DCAF4: variants seen among roughly 807,000 people sequenced by gnomAD.
DCAF4 encodes the protein DDB1- and CUL4-associated factor 4.
In DCAF4, 37 loss-of-function variants were observed where a neutral mutation model predicts 60.9. The observed-to-expected ratio is 0.61, with a 90% CI of 0.47 to 0.80. The LOEUF (loss-of-function observed/expected upper bound fraction) is 0.80, where lower values mean the gene tolerates loss of function less well. DCAF4 is among the 30% of genes least tolerant of loss of function. The probability of loss-of-function intolerance (pLI) is 0.00; values close to 1 mark genes in which losing one functional copy is unlikely to be tolerated. For missense variants in DCAF4, 577 were observed against 650.0 expected, an observed-to-expected ratio of 0.89 and a Z score of 1.22; for synonymous variants, 243 against 254.8, an observed-to-expected ratio of 0.95 and a Z score of 0.44.
In DCAF4 at chr14:72,959,346, C is replaced by G; in HGVS notation, c.*541C>G. ...AATCCTTAAACTTGGCCTTCTCAAA[C>G]TCAGCAGCAGATCTCCGGGATTCTG... is the stretch of plus-strand genomic sequence containing the variant. On this transcript the variant is annotated 3_prime_UTR_variant, in exon 14 of 14. Coordinates refer to ENST00000358377, the MANE Select transcript of DCAF4 (RefSeq NM_015604.4). The G allele has an allele frequency of 1.0e-6, 1 of 985,586 alleles. No individual in the cohort carries two copies. The highest frequency in any genetic ancestry group is 1.2e-6 in the Non-Finnish European group (1 of 830,046). The allele number at this position is 985,586 out of a possible 1,614,324, so 61.1% of individuals were successfully genotyped here.
rs1292175625 is a variant in DCAF4 at position 72,957,669 on chromosome 14, G to T, written c.1295-943G>T. The T allele has an allele frequency of 3.9e-5, 6 of 152,204 alleles. No homozygotes were observed. In the East Asian group the frequency reaches 1.2e-3, roughly 29 times the overall value. 9.4% of individuals were successfully genotyped at this position (152,204 alleles called of 1,614,324 possible). A position where few individuals can be genotyped will look rare whatever the true frequency, so the allele number is the denominator to read the frequency against. On this transcript the variant is annotated intron_variant, in intron 13 of 13. Transcript: ENST00000358377. ...CAGCCTTGCTGAGAGGCAGATGCAGGTAGTTACCAGCTGCAGTAATAAACT... is the reference window on the plus strand; with the variant it reads ...CAGCCTTGCTGAGAGGCAGATGCAGTTAGTTACCAGCTGCAGTAATAAACT...
chr14:72,948,702 TGGCC>T (rs1285047985), intron 8 of DCAF4, among the ~76,000 whole-genome samples: 1 of 152,196 alleles, frequency 6.6e-6, no homozygotes, highest in Non-Finnish European at 1.5e-5. Context: ...CGCCCTCTGG[TGGCC>T]ATTTCTGGTA....
chr14:72,959,213 G>A lies in DCAF4; in HGVS notation c.*408G>A, dbSNP rs957692494. ...GGTTTGAGTCCTCGGTGCCTGGGTA[G>A]CAGGAAGAAAGACCTGCATCCTGCA... On this transcript the variant is annotated 3_prime_UTR_variant, in exon 14 of 14. Transcript: ENST00000358377. 3.9e-5 allele frequency: 39 copies of A among 991,080 alleles called. No homozygotes were observed. The highest frequency in any genetic ancestry group is 3.2e-4 in the South Asian group (7 of 21,566). 61.4% of individuals were successfully genotyped at this position (991,080 alleles called of 1,614,324 possible).
At chr14:72,945,395 TAAA>T (rs374834364) in intron 6 of DCAF4, among the ~76,000 whole-genome samples, 2 of 150,170 alleles carry the variant, frequency 1.3e-5, no homozygotes, top group African/African-American at 4.9e-5. Flanking sequence ...CCCCACCTCT[TAAA>T]AAAAAATAGC....
At chr14:72,934,257 G>T (rs576124516) in intron 1 of DCAF4, among the ~76,000 whole-genome samples, 1 of 151,724 alleles carries the variant, frequency 6.6e-6, no homozygotes, top group Non-Finnish European at 1.5e-5. Context: ...GGGTTCAAGC[G>T]ATTCTCCTGC....
intron 13 of DCAF4, 53 bp downstream of exon 13, chr14:72,956,553 G>T: frequency 6.5e-7 from 1 of 1,529,680 alleles, no homozygotes; most frequent in Non-Finnish European, 8.9e-7. Flanking sequence ...GTCTCTCAGG[G>T]GCGATCCCAG....
rs774272480 is a variant in DCAF4, at chr14:72,938,082, G to A, written c.92+12G>A. Reference sequence around the variant, plus strand: ...GATTCTGAAGACAGGCAAGTGTGCCGCTCTGGGGAGCCACTTTTGCCCAGT... The same window carrying A: ...GATTCTGAAGACAGGCAAGTGTGCCACTCTGGGGAGCCACTTTTGCCCAGT... On this transcript the variant is annotated intron_variant, in intron 2 of 13. Coordinates refer to ENST00000358377, the MANE Select transcript of DCAF4 (RefSeq NM_015604.4). The A allele has an allele frequency of 1.3e-5, 20 of 1,588,370 alleles. No individual in the cohort carries two copies. The highest frequency in any genetic ancestry group is 1.2e-4 in the South Asian group (10 of 86,624).
downstream of DCAF4, chr14:72,962,019 G>C (rs1032624036): frequency 1.8e-6 from 2 of 1,086,330 alleles, no homozygotes; most frequent in Non-Finnish European, 2.3e-6. Flanking sequence ...TCCCTTCATA[G>C]CCCTCAACCT....
intron 2 of DCAF4, among the ~76,000 whole-genome samples, 177 bp from the exon 3 acceptor site, chr14:72,939,624 CA>C (rs1435016749): frequency 2.6e-5 from 4 of 152,118 alleles, no homozygotes; most frequent in African/African-American, 4.8e-5. Flanking sequence ...AATGAAAAAC[CA>C]AAACCTTGCC....
At chr14:72,940,037 C>T in intron 3 of DCAF4, 135 bp downstream of exon 3, 1 of 1,170,238 alleles carries the variant, frequency 8.5e-7, no homozygotes, top group Non-Finnish European at 1.2e-6. Context: ...GAATGGTGGT[C>T]ATGAGGCAAA....
intron 6 of DCAF4, among the ~76,000 whole-genome samples, chr14:72,944,565 G>A (rs1890476397): frequency 6.6e-6 from 1 of 152,150 alleles, no homozygotes; most frequent in Admixed American, 6.5e-5. Flanking sequence ...GGCCTCAGCA[G>A]GTGGTTCACT....
At chr14:72,946,769 C>G (rs1035879729) in intron 7 of DCAF4, among the ~76,000 whole-genome samples, 2 of 152,110 alleles carry the variant, frequency 1.3e-5, no homozygotes, top group African/African-American at 4.8e-5. Flanking sequence ...TGGCGGCATC[C>G]GTGAGAAGCT....
intron 7 of DCAF4, 40 bp downstream of exon 7, chr14:72,946,067 C>T: frequency 3.1e-6 from 5 of 1,607,250 alleles, no homozygotes; most frequent in South Asian, 2.2e-5. Flanking sequence ...CACACTTGAC[C>T]CTGGGGGTAG....
At chr14:72,929,640 A>T (rs1029217298) in intron 1 of DCAF4, 29 of 1,292,082 alleles carry the variant, frequency 2.2e-5, no homozygotes, top group Non-Finnish European at 3.1e-5. Context: ...GGCTTTCCTC[A>T]TGGCAGCCAG....
intron 3 of DCAF4, 106 bp from the exon 4 acceptor site, chr14:72,940,114 G>A: frequency 6.8e-7 from 1 of 1,480,044 alleles, no homozygotes; most frequent in Non-Finnish European, 9.4e-7. Context: ...CCCGCCCTCA[G>A]AAAAGACAGG....
intron 2 of DCAF4, among the ~76,000 whole-genome samples, chr14:72,939,092 G>A (rs375045899): frequency 8.6e-5 from 13 of 151,300 alleles, no homozygotes; most frequent in East Asian, 2.0e-4. Flanking sequence ...GGTGGCTGAC[G>A]CCTGTAATCC....
chr14:72,931,166 T>C (rs1888518614), intron 1 of DCAF4, among the ~76,000 whole-genome samples: 1 of 152,212 alleles, frequency 6.6e-6, no homozygotes. Context: ...TGATAGGGAT[T>C]GCATTCAATC....
chr14:72,951,780 C>T lies in DCAF4; in HGVS notation c.729-18C>T. 6.2e-7 allele frequency: 1 copy of T among 1,613,856 alleles called. No homozygotes were observed. Among genetic ancestry groups the T allele is most frequent in the African/African-American group, 1.3e-5 (1 of 75,032 alleles). ...GAGGGGAGCCTTGTGCCTAACTGTC[C>T]TTAACAGCTTTTTCCAGGCTATGCC... On this transcript the variant is annotated intron_variant, in intron 8 of 13. Transcript: ENST00000358377.
intron 13 of DCAF4, chr14:72,957,357 G>A (rs762972296): frequency 5.3e-5 from 8 of 152,234 alleles, no homozygotes; most frequent in Non-Finnish European, 1.0e-4. Flanking sequence ...TGGCTATAGC[G>A]TAATCAGACA....
Sources: gnomAD v4.1 joint callset for allele counts (sites outside exome capture counted in the v4.1 genomes callset) on GRCh38, gnomAD v4.1.1 for gene constraint, MANE v1.5 for transcripts, NCBI Gene and HGNC (gene_info 2026-07-23, HGNC 2026-07-21) for gene names.